The following TMEM164 variants were observed in gnomAD, a reference collection of about 807,000 sequenced individuals.
TMEM164 encodes the protein transmembrane protein 164, also known as RP13-360B22.2.
In TMEM164, 4 loss-of-function variants were observed where a neutral mutation model predicts 18.8. That is an observed-to-expected ratio of 0.21 (90% CI 0.10 to 0.49). TMEM164 has a LOEUF of 0.49. Among genes scored for constraint, TMEM164 ranks in the 20% least tolerant of loss-of-function variants. The probability of loss-of-function intolerance (pLI) is 0.98; values close to 1 mark genes in which losing one functional copy is unlikely to be tolerated. For synonymous variants in TMEM164, 86 were observed against 101.7 expected (o/e 0.85, Z 0.93); for missense variants, 108 against 239.9 (o/e 0.45, Z 3.63).
intron 2 of TMEM164, among the ~76,000 whole-genome samples, chrX:110,061,967 A>G (rs971458750): frequency 8.9e-5 from 10 of 112,042 alleles, no homozygotes; most frequent in African/African-American, 3.2e-4. Flanking sequence ...TTAAAAAATA[A>G]AATTATGAAA....
intron 4 of TMEM164, among the ~76,000 whole-genome samples, chrX:110,117,940 T>G (rs1194436078): frequency 1.8e-5 from 2 of 112,101 alleles, no homozygotes; most frequent in Admixed American, 9.5e-5. Context: ...TTTTTTGAAG[T>G]CTCAGTCTGC....
rs1480365578 is a variant in TMEM164, at chrX:110,177,018, G to A, written c.*3567G>A. ...CATCCTGCCCGCTTTGTGGCGGGTA[G>A]AGTCAGTGACAGGGAGGCAGCCCTC... On this transcript the variant is annotated 3_prime_UTR_variant, in exon 7 of 7. Coordinates refer to ENST00000372068, the MANE Select transcript of TMEM164 (RefSeq NM_032227.4). 9.0e-6 allele frequency: 1 copy of A among 111,409 alleles called. No homozygotes were observed. Among genetic ancestry groups the A allele is most frequent in the Admixed American group, 9.4e-5 (1 of 10,678 alleles). 9.2% of individuals were successfully genotyped at this position (111,409 alleles called of 1,213,427 possible).
chrX:110,055,779 G>A (rs977314159), intron 2 of TMEM164, among the ~76,000 whole-genome samples: 1 of 110,954 alleles, frequency 9.0e-6, no homozygotes, highest in East Asian at 2.8e-4. Context: ...GAGAATCTCA[G>A]GGGGAAGGAA....
At chrX:110,146,762 G>A (rs2066861521) in intron 5 of TMEM164, among the ~76,000 whole-genome samples, 1 of 111,748 alleles carries the variant, frequency 8.9e-6, no homozygotes, top group Admixed American at 9.5e-5. Context: ...TTCACTTGGG[G>A]GGAATTATGA....
At chrX:110,015,550 AGT>A (rs200228472) in intron 2 of TMEM164, among the ~76,000 whole-genome samples, 7,244 of 98,969 alleles carry the variant, frequency 0.073, 494 homozygotes, top group African/African-American at 0.21. Context: ...CAGGAACTTG[AGT>A]GTGTGTGTGT....
At chrX:110,181,212 C>A (rs1463505354), downstream of TMEM164, among the ~76,000 whole-genome samples, 1 of 112,050 alleles carries the variant, frequency 8.9e-6, no homozygotes, top group Non-Finnish European at 1.9e-5. Flanking sequence ...ATCTCTTTGA[C>A]CTGACCGTCT....
At position 110,174,244 on chromosome X, in the gene TMEM164, G is replaced by A. The variant is rs2067265384; in HGVS notation, c.*793G>A. The A allele has an allele frequency of 8.9e-6, 1 of 112,053 alleles. No individual in the cohort carries two copies. The allele number at this position is 112,053 out of a possible 1,213,427, so 9.2% of individuals were successfully genotyped here. Reference sequence around the variant, plus strand: ...GAACTGATGCATATCCCAATCAGAAGTGAGCACAGAAAACTGTGATTTGAA... The same window carrying A: ...GAACTGATGCATATCCCAATCAGAAATGAGCACAGAAAACTGTGATTTGAA... On this transcript the variant is annotated 3_prime_UTR_variant, in exon 7 of 7. Transcript: ENST00000372068.
intron 2 of TMEM164, among the ~76,000 whole-genome samples, chrX:110,010,557 T>G: frequency 8.9e-6 from 1 of 112,208 alleles, no homozygotes; most frequent in East Asian, 2.8e-4. Flanking sequence ...AGGGTGAGGA[T>G]TGGAATCTGC....
At chrX:110,018,066 T>C (rs1181635215) in intron 2 of TMEM164, among the ~76,000 whole-genome samples, 1 of 111,571 alleles carries the variant, frequency 9.0e-6, no homozygotes, top group Non-Finnish European at 1.9e-5. Flanking sequence ...CTTGCAGATG[T>C]TGGTTGTTTG....
chrX:110,023,838 G>C (rs1280867291), intron 2 of TMEM164, among the ~76,000 whole-genome samples: 1 of 111,684 alleles, frequency 9.0e-6, no homozygotes, highest in East Asian at 2.8e-4. Context: ...TTGTATTGAC[G>C]AAGAACCATT....
chrX:110,002,897 C>T (rs1401147359), upstream of TMEM164: 2 of 110,608 alleles, frequency 1.8e-5, no homozygotes, highest in East Asian at 2.9e-4. Flanking sequence ...TTAGTCCAGC[C>T]CCCGGCTGGC....
intron 3 of TMEM164, among the ~76,000 whole-genome samples, chrX:110,104,991 C>A (rs1348826625): frequency 3.6e-5 from 4 of 111,920 alleles, no homozygotes; most frequent in Non-Finnish European, 7.5e-5. Context: ...CTTTTTGGTT[C>A]TGGCCTTCAG....
chrX:110,149,083 GTT>G (rs58576764), intron 5 of TMEM164, among the ~76,000 whole-genome samples: 9 of 104,679 alleles, frequency 8.6e-5, no homozygotes, highest in African/African-American at 1.0e-4. Context: ...AATCTATTGA[GTT>G]TTTTTTTTTT....
At chrX:110,141,854 A>T (rs769387193) in intron 4 of TMEM164, among the ~76,000 whole-genome samples, 41 of 110,655 alleles carry the variant, frequency 3.7e-4, no homozygotes, top group Middle Eastern at 4.7e-3. Context: ...TTTCTCTTAC[A>T]TCTTCTTCCC....
chrX:110,019,873 C>T (rs1222549798), intron 2 of TMEM164, among the ~76,000 whole-genome samples: 7 of 111,677 alleles, frequency 6.3e-5, no homozygotes, highest in Admixed American at 1.9e-4. Context: ...TTTTTTTCAG[C>T]CTTGTTATTT....
chrX:110,084,064 GGAAATGTTTCTAGTGATTCACTTAATA>G (rs1370382977), intron 3 of TMEM164, among the ~76,000 whole-genome samples: 9 of 110,521 alleles, frequency 8.1e-5, no homozygotes, highest in Non-Finnish European at 3.8e-5. Flanking sequence ...TGATTTTAAT[GGAAATGTTTCTAGTGATTCACTTAATA>G]GAAATGTTTC....
intron 5 of TMEM164, among the ~76,000 whole-genome samples, chrX:110,170,437 A>G (rs1278625717): frequency 8.9e-6 from 1 of 112,497 alleles, no homozygotes; most frequent in Non-Finnish European, 1.9e-5. Context: ...CTGTTGAATG[A>G]ATGGATGAAT....
intron 3 of TMEM164, among the ~76,000 whole-genome samples, chrX:110,100,769 T>G (rs2066098829): frequency 9.1e-6 from 1 of 110,464 alleles, no homozygotes; most frequent in South Asian, 3.9e-4. Flanking sequence ...TTTTATTTTT[T>G]TAGTAGAGAC....
intron 3 of TMEM164, 128 bp downstream of exon 3, chrX:110,067,524 G>A (rs2065520834): frequency 4.9e-6 from 3 of 614,640 alleles, no homozygotes; most frequent in Non-Finnish European, 7.9e-6. Flanking sequence ...TTCCCAAAGG[G>A]ATGAAGGTCT....
Sources: gnomAD v4.1 joint callset for allele counts (sites outside exome capture counted in the v4.1 genomes callset) on GRCh38, gnomAD v4.1.1 for gene constraint, MANE v1.5 for transcripts, NCBI Gene and HGNC (gene_info 2026-07-23, HGNC 2026-07-21) for gene names.